WBP1L: variants seen among roughly 807,000 people sequenced by gnomAD.
WBP1L encodes WW domain binding protein 1-like.
A neutral mutation model predicts 33.7 loss-of-function variants in WBP1L; 17 were observed. The ratio of observed to expected loss-of-function variants is 0.50; its 90% CI spans 0.34 to 0.76. The LOEUF is 0.76. WBP1L is among the 30% of genes least tolerant of loss of function. The pLI is 0.01. For missense variants in WBP1L, 389 were observed against 469.4 expected, an observed-to-expected ratio of 0.83 and a Z score of 1.58; for synonymous variants, 173 against 190.8, an observed-to-expected ratio of 0.91 and a Z score of 0.77.
chr10:102,746,018 GT>G, intron 1 of WBP1L: 1 of 354,330 alleles, frequency 2.8e-6, no homozygotes, highest in Non-Finnish European at 4.0e-6. Context: ...CGAAAAGGCT[GT>G]CCCCAGTAAC....
chr10:102,788,635 C>T (rs1405786107), intron 1 of WBP1L, among the ~76,000 whole-genome samples: 5 of 152,236 alleles, frequency 3.3e-5, no homozygotes, highest in South Asian at 4.1e-4. Flanking sequence ...ATGAAAACTG[C>T]GTTATCCTTT....
At position 102,782,788 on chromosome 10, in the gene WBP1L, G is replaced by C. The variant is rs576351008; in HGVS notation, c.91-15205G>C. Among the ~76,000 whole-genome samples, 5 of 152,280 alleles carry C rather than the reference G, an allele frequency of 3.3e-5. No homozygotes were observed. In the East Asian group the frequency reaches 7.7e-4, roughly 23 times the overall value. ...AGGGGCAGTGCAGGGAAGGAGACTTGGCTTTGGGAATGGCTGGAGTGTGAC... is the reference window on the plus strand; with the variant it reads ...AGGGGCAGTGCAGGGAAGGAGACTTCGCTTTGGGAATGGCTGGAGTGTGAC... On this transcript the variant is annotated intron_variant, in intron 1 of 3. Coordinates refer to ENST00000448841, the MANE Select transcript of WBP1L (RefSeq NM_001083913.2).
At chr10:102,797,338 AC>A in intron 1 of WBP1L, among the ~76,000 whole-genome samples, 1 of 152,228 alleles carries the variant, frequency 6.6e-6, no homozygotes, top group East Asian at 1.9e-4. Flanking sequence ...GGGAATCATC[AC>A]CCTCCTACCG....
chr10:102,758,101 T>G (rs1000328090), intron 1 of WBP1L, among the ~76,000 whole-genome samples: 11 of 151,486 alleles, frequency 7.3e-5, no homozygotes, highest in African/African-American at 2.7e-4. Flanking sequence ...GCCAGACTGG[T>G]CTCGAACTCC....
At chr10:102,803,376 C>T (rs994028454) in intron 2 of WBP1L, among the ~76,000 whole-genome samples, 2 of 152,160 alleles carry the variant, frequency 1.3e-5, no homozygotes, top group African/African-American at 2.4e-5. Context: ...TTGTAGTGAA[C>T]TCTTGGGGTT....
chr10:102,744,187 C>G, intron 1 of WBP1L, 44 bp downstream of exon 1: 1 of 1,514,548 alleles, frequency 6.6e-7, no homozygotes, highest in South Asian at 1.2e-5. Flanking sequence ...TCCTGGGGGT[C>G]GTCGAGGCCT....
chr10:102,777,332 C>T (rs1843278469), intron 1 of WBP1L, among the ~76,000 whole-genome samples: 1 of 152,036 alleles, frequency 6.6e-6, no homozygotes, highest in Non-Finnish European at 1.5e-5. Context: ...CAGCAGAAGC[C>T]CTAGAGGGGA....
At chr10:102,753,966 A>G (rs945338766) in intron 1 of WBP1L, among the ~76,000 whole-genome samples, 1 of 152,226 alleles carries the variant, frequency 6.6e-6, no homozygotes, top group Admixed American at 6.5e-5. Flanking sequence ...GTATTTTTCA[A>G]AATTCTACAT....
intron 1 of WBP1L, among the ~76,000 whole-genome samples, chr10:102,763,404 C>G (rs564803215): frequency 6.6e-6 from 1 of 152,182 alleles, no homozygotes; most frequent in Non-Finnish European, 1.5e-5. Context: ...AGATGGTAGA[C>G]TTTGATTACA....
chr10:102,799,410 A>G (rs1297883068), intron 2 of WBP1L, among the ~76,000 whole-genome samples: 2 of 152,026 alleles, frequency 1.3e-5, no homozygotes, highest in Non-Finnish European at 2.9e-5. Context: ...TGCTTCTTCA[A>G]GTTGCACGAC....
intron 1 of WBP1L, among the ~76,000 whole-genome samples, chr10:102,767,287 TG>T (rs1409076588): frequency 6.6e-6 from 1 of 152,102 alleles, no homozygotes; most frequent in Admixed American, 6.5e-5. Context: ...TTTTCTTGTT[TG>T]GGGGGTGGGG....
At position 102,788,141 on chromosome 10, in the gene WBP1L, T is replaced by C. The variant is rs1843444573; in HGVS notation, c.91-9852T>C. ...ATCTTAACTTTCTTTCTTTCTTTTT[T>C]TTTTTTTGAGACAGTCTCACTCTGT... On this transcript the variant is annotated intron_variant, in intron 1 of 3. Transcript: ENST00000448841. Among the ~76,000 whole-genome samples the C allele has an allele frequency of 2.1e-5, 3 of 146,296 alleles. No individual in the cohort carries two copies. The South Asian group carries it at 6.4e-4, about 31-fold the overall frequency.
At chr10:102,797,355 G>A (rs1309769446) in intron 1 of WBP1L, among the ~76,000 whole-genome samples, 2 of 152,168 alleles carry the variant, frequency 1.3e-5, no homozygotes, top group Admixed American at 1.3e-4. Context: ...TACCGGCTGA[G>A]GTTAGCACCG....
In WBP1L at chr10:102,798,060, A is replaced by G. The variant is rs1233419160; in HGVS notation, c.158A>G (p.Gln53Arg). Residue 53 changes from glutamine (Q) to arginine (R), a missense_variant, in exon 2 of 4, where the codon CAG (glutamine) becomes CGG (arginine). Coordinates refer to ENST00000448841, the MANE Select transcript of WBP1L (RefSeq NM_001083913.2). ...YICDTGHCCG[Q>R]SQCCNYYYEL... ...TGTGACACAGGACACTGCTGTGGACAGTCTCAGTGCTGCAACTACTACTAT... is the reference window on the plus strand; with the variant it reads ...TGTGACACAGGACACTGCTGTGGACGGTCTCAGTGCTGCAACTACTACTAT... 11 of 1,614,246 alleles carry G rather than the reference A, an allele frequency of 6.8e-6. No individual in the cohort carries two copies. Among genetic ancestry groups the G allele is most frequent in the South Asian group, 1.1e-5 (1 of 91,090 alleles).
chr10:102,791,429 T>G (rs981911746), intron 1 of WBP1L, among the ~76,000 whole-genome samples: 3 of 152,118 alleles, frequency 2.0e-5, no homozygotes, highest in Non-Finnish European at 4.4e-5. Flanking sequence ...TCCCACATAG[T>G]GCCTGGCACA....
At chr10:102,747,650 C>T (rs1001777579) in intron 1 of WBP1L, among the ~76,000 whole-genome samples, 1 of 152,030 alleles carries the variant, frequency 6.6e-6, no homozygotes, top group African/African-American at 2.4e-5. Flanking sequence ...CCTCAGCCTC[C>T]TGAGTAACTG....
chr10:102,808,479 GT>G (rs2134066982), intron 2 of WBP1L, among the ~76,000 whole-genome samples: 1 of 152,334 alleles, frequency 6.6e-6, no homozygotes, highest in East Asian at 1.9e-4. Flanking sequence ...ACAGAGGGAA[GT>G]AAAGAGCTGT....
intron 1 of WBP1L, among the ~76,000 whole-genome samples, chr10:102,794,682 G>A (rs1256809204): frequency 6.6e-6 from 1 of 152,128 alleles, no homozygotes. Context: ...CCTGGAGGTC[G>A]AGGCTGCAGT....
In WBP1L at chr10:102,813,174, C is replaced by T; in HGVS notation, c.935C>T (p.Pro312Leu). ...LDFCDSCHVR[P>L]PGDEEEGLCQ... ...TTCTGCGACAGCTGCCATGTGCGGC[C>T]CCCTGGTGATGAGGAGGAAGGCCTC... Residue 312 changes from proline (P) to leucine (L), a missense_variant, in exon 4 of 4, where the codon CCC becomes CTC. Coordinates refer to ENST00000448841, the MANE Select transcript of WBP1L (RefSeq NM_001083913.2). The T allele has an allele frequency of 1.9e-6, 3 of 1,613,912 alleles. No individual in the cohort carries two copies. The highest frequency in any genetic ancestry group is 2.5e-6 in the Non-Finnish European group (3 of 1,180,008).
Sources: allele counts gnomAD v4.1 joint callset (sites outside exome capture counted in the v4.1 genomes callset), GRCh38; gene constraint gnomAD v4.1.1; transcripts MANE v1.5; gene names NCBI Gene and HGNC (gene_info 2026-07-23, HGNC 2026-07-21).